Variants in SLC6A6 observed in about 807,000 individuals in gnomAD.
SLC6A6 encodes the protein solute carrier family 6 member 6.
In SLC6A6, 16 loss-of-function variants were observed where a neutral mutation model predicts 68.8. The ratio of observed to expected loss-of-function variants is 0.23; its 90% CI spans 0.16 to 0.35. SLC6A6 has a LOEUF of 0.35. Ranked by LOEUF, SLC6A6 falls within the 10% of genes least tolerant of loss-of-function variation. The pLI, the probability that SLC6A6 is intolerant of heterozygous loss-of-function variation, is 1.00. For synonymous variants in SLC6A6, 312 were observed against 315.4 expected, an observed-to-expected ratio of 0.99 and a Z score of 0.12; for missense variants, 474 against 802.8, an observed-to-expected ratio of 0.59 and a Z score of 4.95.
chr3:14,448,049 G>T, intron 5 of SLC6A6: 1 of 1,252,444 alleles, frequency 8.0e-7, no homozygotes, highest in Non-Finnish European at 1.1e-6. Context: ...CTGAGCCTCA[G>T]TTTCTTTACC....
rs2125004627 is a variant in SLC6A6 at position 14,486,539 on chromosome 3, T to A, written c.*1532T>A. 6.5e-6 allele frequency: 1 copy of A among 152,708 alleles called. No homozygotes were observed. The highest frequency in any genetic ancestry group is 1.9e-4 in the East Asian group (1 of 5,166). 9.5% of individuals were successfully genotyped at this position (152,708 alleles called of 1,614,324 possible). A position where few individuals can be genotyped will look rare whatever the true frequency, so the allele number is the denominator to read the frequency against. On this transcript the variant is annotated 3_prime_UTR_variant, in exon 15 of 15. Coordinates refer to ENST00000622186, the MANE Select transcript of SLC6A6 (RefSeq NM_003043.6). The stretch of plus-strand genomic sequence containing the variant: ...AGGGCCTTATGTGGAGCAGAGGTTG[T>A]CTCTGAACCAGGAGAGAAGGTACTA...
intron 2 of SLC6A6, among the ~76,000 whole-genome samples, chr3:14,419,568 C>T (rs1035286375): frequency 5.3e-5 from 8 of 152,172 alleles, no homozygotes. Flanking sequence ...CTGCCGGCTT[C>T]GTGACCTGGA....
chr3:14,443,825 T>G lies in SLC6A6; in HGVS notation c.191T>G (p.Val64Gly). 6.2e-7 allele frequency: 1 copy of G among 1,613,986 alleles called. No individual in the cohort carries two copies. The highest frequency in any genetic ancestry group is 8.5e-7 in the Non-Finnish European group (1 of 1,179,858). ...VAGGFVGLGNVWRFPYLCYKN... is the reference protein window; with the variant it reads ...VAGGFVGLGNGWRFPYLCYKN... ...GGCGGCTTCGTGGGCTTGGGCAACG[T>G]CTGGCGCTTCCCGTACCTCTGCTAC... The change falls in exon 3 of 15, where the codon GTC becomes GGC. Residue 64 changes from valine to glycine, a missense_variant. Transcript: ENST00000622186.
At chr3:14,447,900 A>C in intron 5 of SLC6A6, 84 bp downstream of exon 5, 1 of 1,558,594 alleles carries the variant, frequency 6.4e-7, no homozygotes, top group Non-Finnish European at 8.7e-7. Flanking sequence ...CCCCTGGGAT[A>C]CAGGAGCCAC....
intron 2 of SLC6A6, among the ~76,000 whole-genome samples, chr3:14,426,884 C>A (rs1699611637): frequency 1.3e-5 from 2 of 152,130 alleles, no homozygotes; most frequent in Admixed American, 1.3e-4. Context: ...GGAATGTGTC[C>A]TTCAGGGCCT....
In SLC6A6 at chr3:14,445,017, T is replaced by C. The variant is rs565555371; in HGVS notation, c.230-700T>C. Among the ~76,000 whole-genome samples the C allele has an allele frequency of 4.0e-5, 6 of 150,102 alleles. No individual in the cohort carries two copies. The East Asian group carries it at 9.8e-4, about 25-fold the overall frequency. On this transcript the variant is annotated intron_variant, in intron 3 of 14. Coordinates refer to ENST00000622186, the MANE Select transcript of SLC6A6 (RefSeq NM_003043.6). ...CCTGGGCAGGCCTGGGGAGGGTAGG[T>C]GAAGGCCCCAACAAAGAGGCGACGT...
Position 14,402,894 on chromosome 3 carries a change from G to T in SLC6A6, c.-54+47G>T. The T allele has an allele frequency of 2.6e-6, 1 of 379,612 alleles. No homozygotes were observed. Among genetic ancestry groups the T allele is most frequent in the Admixed American group, 4.6e-5 (1 of 21,952 alleles). 23.5% of individuals were successfully genotyped at this position (379,612 alleles called of 1,614,324 possible). On this transcript the variant is annotated intron_variant, in intron 1 of 14. Coordinates refer to ENST00000622186, the MANE Select transcript of SLC6A6 (RefSeq NM_003043.6). The surrounding 1 kb of genome is among the most constrained non-coding windows in gnomAD (Gnocchi z 4.8). ...GGGCGCGCAGCCGGCGCTGCCCGCC[G>T]TCTGCAGCCCCTCCCCATCCCCGCG... is the stretch of plus-strand genomic sequence containing the variant.
At chr3:14,469,004 A>G (rs1488410661) in intron 9 of SLC6A6, among the ~76,000 whole-genome samples, 6 of 152,132 alleles carry the variant, frequency 3.9e-5, no homozygotes, top group African/African-American at 1.2e-4. Flanking sequence ...AGAATCTGCA[A>G]TCTCTCAGGT....
intron 2 of SLC6A6, among the ~76,000 whole-genome samples, chr3:14,418,862 T>C (rs1441491517): frequency 6.6e-6 from 1 of 152,188 alleles, no homozygotes; most frequent in East Asian, 1.9e-4. Context: ...ACTACACAGC[T>C]GGGAAGGATT....
chr3:14,472,183 C>T lies in SLC6A6; in HGVS notation c.1097-22C>T, dbSNP rs754183618. Reference sequence around the variant, plus strand: ...CTGATGTCTCCTCCCCTGTGCCCCTCCCCGTTTTCTTTCCTTTCTAGGTCC... The same window carrying T: ...CTGATGTCTCCTCCCCTGTGCCCCTTCCCGTTTTCTTTCCTTTCTAGGTCC... On this transcript the variant is annotated intron_variant, in intron 9 of 14. Transcript: ENST00000622186. The surrounding 1 kb of genome is among the most constrained non-coding windows in gnomAD (Gnocchi z 4.5). The T allele has an allele frequency of 6.7e-7, 1 of 1,481,750 alleles. No homozygotes were observed. 91.8% of individuals were successfully genotyped at this position (1,481,750 alleles called of 1,614,324 possible).
chr3:14,436,852 T>G (rs1441668277), intron 2 of SLC6A6, among the ~76,000 whole-genome samples: 1 of 152,202 alleles, frequency 6.6e-6, no homozygotes, highest in Non-Finnish European at 1.5e-5. Flanking sequence ...CTGTCCAGCC[T>G]CCTGAGCCCC....
intron 3 of SLC6A6, chr3:14,444,945 C>T: frequency 2.3e-6 from 1 of 433,632 alleles, no homozygotes; most frequent in South Asian, 1.6e-5. Flanking sequence ...CTACCCTCTG[C>T]CCCTTACCAC....
At chr3:14,429,957 G>C (rs1336884379) in intron 2 of SLC6A6, among the ~76,000 whole-genome samples, 4 of 152,050 alleles carry the variant, frequency 2.6e-5, no homozygotes, top group African/African-American at 9.6e-5. Context: ...GGGGTGATTT[G>C]AGCTGGAGGA....
At chr3:14,407,966 C>T (rs752680190) in intron 1 of SLC6A6, among the ~76,000 whole-genome samples, 12 of 144,892 alleles carry the variant, frequency 8.3e-5, no homozygotes, top group Admixed American at 5.5e-4. Context: ...TTTTTTTTAT[C>T]GCTGAGTAGT....
At chr3:14,484,816 G>A (rs759387666) in intron 14 of SLC6A6, 51 bp from the exon 15 acceptor site, 10 of 1,596,274 alleles carry the variant, frequency 6.3e-6, no homozygotes, top group Non-Finnish European at 8.6e-6. Flanking sequence ...TGGCGAAGGG[G>A]AGACCAGGCC....
At chr3:14,480,810 G>A (rs1023148265) in intron 13 of SLC6A6, among the ~76,000 whole-genome samples, 4 of 152,204 alleles carry the variant, frequency 2.6e-5, no homozygotes, top group African/African-American at 9.7e-5. Context: ...CCAGCCTTAG[G>A]TGCTCTTCTC....
intron 1 of SLC6A6, among the ~76,000 whole-genome samples, chr3:14,403,229 A>G (rs1219203447): frequency 2.0e-5 from 3 of 151,696 alleles, no homozygotes; most frequent in Non-Finnish European, 2.9e-5. Flanking sequence ...AGCAGCGTGC[A>G]CATGTGTGTT....
At chr3:14,427,321 G>T (rs11922105) in intron 2 of SLC6A6, among the ~76,000 whole-genome samples, 3,841 of 152,148 alleles carry the variant, frequency 0.025, 171 homozygotes, top group African/African-American at 0.089. Flanking sequence ...TAACCTGGTG[G>T]GATCGCCATC....
intron 5 of SLC6A6, among the ~76,000 whole-genome samples, chr3:14,457,153 G>A (rs889686742): frequency 1.3e-5 from 2 of 152,126 alleles, no homozygotes; most frequent in Admixed American, 1.3e-4. Context: ...CGGATTGGTG[G>A]GAGGCTTAAG....
Sources: allele counts gnomAD v4.1 joint callset (sites outside exome capture counted in the v4.1 genomes callset), GRCh38; gene constraint gnomAD v4.1.1; non-coding constraint Gnocchi (gnomAD v3.1); transcripts MANE v1.5; gene names NCBI Gene and HGNC (gene_info 2026-07-23, HGNC 2026-07-21).